The following MKLN1 variants were observed in gnomAD, a reference collection of about 807,000 sequenced individuals.
MKLN1 encodes the protein muskelin 1, also known as muskelin.
A neutral mutation model predicts 99.0 loss-of-function variants in MKLN1; 18 were observed. That is an observed-to-expected ratio of 0.18 (90% CI 0.13 to 0.27). The LOEUF (loss-of-function observed/expected upper bound fraction) is 0.27. Ranked by LOEUF, MKLN1 falls within the 10% of genes least tolerant of loss-of-function variation. The probability of loss-of-function intolerance (pLI) is 1.00; values close to 1 mark genes in which losing one functional copy is unlikely to be tolerated. For synonymous variants in MKLN1, 288 were observed against 293.2 expected (o/e 0.98, Z 0.18); for missense variants, 621 against 875.9 (o/e 0.71, Z 3.67).
intron 1 of MKLN1, among the ~76,000 whole-genome samples, chr7:131,344,422 G>A (rs1292569720): frequency 6.6e-6 from 1 of 152,096 alleles, no homozygotes; most frequent in Non-Finnish European, 1.5e-5. Flanking sequence ...TGTGAATAAA[G>A]TTAAGTCTAT....
At chr7:131,249,206 A>G (rs1311288773) in intron 3 of MKLN1, among the ~76,000 whole-genome samples, 1 of 152,182 alleles carries the variant, frequency 6.6e-6, no homozygotes, top group Non-Finnish European at 1.5e-5. Context: ...CAGAGGCCAC[A>G]TGGGTTCAGC....
chr7:131,200,701 G>A (rs1423678946), intron 2 of MKLN1, among the ~76,000 whole-genome samples: 1 of 152,192 alleles, frequency 6.6e-6, no homozygotes, highest in Non-Finnish European at 1.5e-5. Flanking sequence ...TTATCTCAAA[G>A]TATTAGCACA....
intron 1 of MKLN1, among the ~76,000 whole-genome samples, chr7:131,122,030 G>C (rs1795380256): frequency 6.6e-6 from 1 of 152,174 alleles, no homozygotes; most frequent in Non-Finnish European, 1.5e-5. Flanking sequence ...ACTGCCAAAA[G>C]GTCAAGAAAG....
At chr7:131,146,327 G>A (rs1795814736) in intron 2 of MKLN1, among the ~76,000 whole-genome samples, 1 of 152,180 alleles carries the variant, frequency 6.6e-6, no homozygotes, top group Non-Finnish European at 1.5e-5. Context: ...GGGCATCAGA[G>A]CGAGACATTG....
intron 1 of MKLN1, among the ~76,000 whole-genome samples, chr7:131,128,835 G>C (rs7811370): frequency 0.93 from 140,080 of 150,028 alleles, 65,471 homozygotes; most frequent in Admixed American, 0.96. Flanking sequence ...CCTGGACTCA[G>C]GTGATCCTTC....
At chr7:131,270,563 A>G (rs931347402) in intron 3 of MKLN1, among the ~76,000 whole-genome samples, 3 of 152,226 alleles carry the variant, frequency 2.0e-5, no homozygotes, top group African/African-American at 7.2e-5. Context: ...CTTTCCTATT[A>G]TAATCCAAGT....
intron 3 of MKLN1, among the ~76,000 whole-genome samples, chr7:131,227,414 T>G (rs1326301992): frequency 2.6e-5 from 4 of 151,236 alleles, no homozygotes; most frequent in Admixed American, 2.6e-4. Flanking sequence ...TCTTTCCCTC[T>G]CTCTCTTTCT....
intron 2 of MKLN1, among the ~76,000 whole-genome samples, chr7:131,383,597 A>G (rs1425539778): frequency 6.6e-6 from 1 of 152,220 alleles, no homozygotes; most frequent in Non-Finnish European, 1.5e-5. Flanking sequence ...AACCTCAGAT[A>G]TACATAGATA....
At chr7:131,380,786 G>A (rs544920525) in intron 2 of MKLN1, among the ~76,000 whole-genome samples, 2 of 152,222 alleles carry the variant, frequency 1.3e-5, no homozygotes, top group East Asian at 1.9e-4. Flanking sequence ...ATAATCATAC[G>A]GTAATTGCAA....
chr7:131,426,622 G>T (rs761455624), intron 8 of MKLN1, among the ~76,000 whole-genome samples: 1 of 152,070 alleles, frequency 6.6e-6, no homozygotes, highest in Non-Finnish European at 1.5e-5. Flanking sequence ...AGTGTTTTAT[G>T]TACTGAATTA....
intron 2 of MKLN1, among the ~76,000 whole-genome samples, chr7:131,167,157 TA>T (rs199779526): frequency 3.1e-4 from 45 of 145,962 alleles, no homozygotes; most frequent in Admixed American, 4.8e-4. Flanking sequence ...ACTGAAGCTG[TA>T]AAAAAAAAAA....
chr7:131,300,741 G>A (rs904070752), intron 3 of MKLN1, among the ~76,000 whole-genome samples: 2 of 151,382 alleles, frequency 1.3e-5, no homozygotes, highest in Admixed American at 6.6e-5. Flanking sequence ...TCTCTAGAGC[G>A]TGGCATTCAT....
chr7:131,236,175 C>G (rs990661971), intron 3 of MKLN1, among the ~76,000 whole-genome samples: 5 of 152,086 alleles, frequency 3.3e-5, no homozygotes, highest in Non-Finnish European at 7.4e-5. Context: ...AGAATTTGAC[C>G]AAAGGCAAGA....
At chr7:131,373,379 G>A (rs1405897324) in intron 1 of MKLN1, among the ~76,000 whole-genome samples, 1 of 151,966 alleles carries the variant, frequency 6.6e-6, no homozygotes, top group Non-Finnish European at 1.5e-5. Context: ...TTAGCCCAAT[G>A]TATTTTATTT....
intron 11 of MKLN1, among the ~76,000 whole-genome samples, chr7:131,445,549 A>G (rs1398227646): frequency 6.6e-6 from 1 of 151,408 alleles, no homozygotes; most frequent in African/African-American, 2.4e-5. Context: ...AGGAACCTGT[A>G]TATATTATTC....
chr7:131,247,321 C>T (rs1482061027), intron 3 of MKLN1, among the ~76,000 whole-genome samples: 2 of 149,170 alleles, frequency 1.3e-5, no homozygotes, highest in African/African-American at 4.9e-5. Context: ...TGAAGCGATT[C>T]TCCTGCCTCA....
At chr7:131,416,370 A>G (rs902782604) in intron 8 of MKLN1, among the ~76,000 whole-genome samples, 1 of 152,186 alleles carries the variant, frequency 6.6e-6, no homozygotes, top group African/African-American at 2.4e-5. Flanking sequence ...TTTATAATCC[A>G]TGAAATTCGA....
chr7:131,421,140 A>G (rs972208346), intron 8 of MKLN1, among the ~76,000 whole-genome samples: 1 of 152,160 alleles, frequency 6.6e-6, no homozygotes, highest in African/African-American at 2.4e-5. Context: ...TTAAAGTAAA[A>G]TTTGTTGCTT....
chr7:131,391,114 G>A (rs760802400), intron 4 of MKLN1, among the ~76,000 whole-genome samples: 6 of 151,710 alleles, frequency 4.0e-5, no homozygotes, highest in Admixed American at 1.3e-4. Context: ...CTAAAAGGCC[G>A]TATGTTAGGT....
Sources: gnomAD v4.1 joint callset for allele counts (sites outside exome capture counted in the v4.1 genomes callset) on GRCh38, gnomAD v4.1.1 for gene constraint, MANE v1.5 for transcripts, NCBI Gene and HGNC (gene_info 2026-07-23, HGNC 2026-07-21) for gene names.